Variants in GRAMD2B observed in about 807,000 individuals in gnomAD.
GRAMD2B encodes GRAM domain containing 2B, also known as GRAM domain-containing protein 2B.
In GRAMD2B, 41 loss-of-function variants were observed where a neutral mutation model predicts 59.2. The observed-to-expected ratio is 0.69, with a 90% CI of 0.54 to 0.90. The LOEUF (loss-of-function observed/expected upper bound fraction) is 0.90, where lower values mean the gene tolerates loss of function less well. Ranked by LOEUF, GRAMD2B falls within the 40% of genes least tolerant of loss-of-function variation. GRAMD2B has a pLI of 0.00. For missense variants in GRAMD2B, 424 were observed against 500.5 expected, an observed-to-expected ratio of 0.85 and a Z score of 1.46; for synonymous variants, 161 against 182.7, an observed-to-expected ratio of 0.88 and a Z score of 0.96.
chr5:126,439,528 G>A (rs1187880090), intron 1 of GRAMD2B, among the ~76,000 whole-genome samples: 9 of 151,886 alleles, frequency 5.9e-5, no homozygotes. Context: ...GTTTCACCAT[G>A]TTCACCAGGC....
chr5:126,434,902 T>C (rs960668886), intron 1 of GRAMD2B, among the ~76,000 whole-genome samples: 1 of 152,204 alleles, frequency 6.6e-6, no homozygotes, highest in African/African-American at 2.4e-5. Context: ...GTTTACTCCC[T>C]GAGAAGTTCC....
In GRAMD2B at chr5:126,390,592, T is replaced by C. The variant is rs73783654; in HGVS notation, c.125+19025T>C. On this transcript the variant is annotated intron_variant, in intron 1 of 8. Coordinates refer to the GRAMD2B transcript ENST00000506445. ...TCATTCTGCAGTATATCTGTCAGGA[T>C]TTTTTATGCTGCCAGAAAGTTATAT... Among the ~76,000 whole-genome samples the C allele has an allele frequency of 1.5e-3, 235 of 152,330 alleles. 2 individuals carry two copies. Among genetic ancestry groups the C allele is most frequent in the African/African-American group, 5.5e-3 (229 of 41,574 alleles).
intron 1 of GRAMD2B, among the ~76,000 whole-genome samples, chr5:126,377,446 G>A (rs1755292571): frequency 6.6e-6 from 1 of 152,084 alleles, no homozygotes; most frequent in Non-Finnish European, 1.5e-5. Flanking sequence ...TGCGCAGATA[G>A]TCCTACATTC....
intron 1 of GRAMD2B, among the ~76,000 whole-genome samples, chr5:126,410,816 T>C (rs1561489037): frequency 6.6e-6 from 1 of 152,138 alleles, no homozygotes; most frequent in East Asian, 1.9e-4. Context: ...CCAACTGGTA[T>C]GATACGGTAT....
At chr5:126,384,949 T>G (rs1227325046) in intron 1 of GRAMD2B, among the ~76,000 whole-genome samples, 1 of 152,376 alleles carries the variant, frequency 6.6e-6, no homozygotes, top group East Asian at 1.9e-4. Flanking sequence ...TCTTTCTCAC[T>G]GTGCTGCCTT....
In GRAMD2B at chr5:126,387,077, C is replaced by T. The variant is rs569938168; in HGVS notation, c.125+15510C>T. On this transcript the variant is annotated intron_variant, in intron 1 of 8. Transcript: ENST00000506445. ...TATGTATTTGGATACATGTAAAAAC[C>T]ATAAGAATTTTAAGGGCCAAACTTG... Among the ~76,000 whole-genome samples, 8 of 151,908 alleles carry T rather than the reference C, an allele frequency of 5.3e-5. No individual in the cohort carries two copies. In the East Asian group the frequency reaches 1.5e-3, roughly 29 times the overall value.
At chr5:126,419,915 C>T (rs1484640769), upstream of GRAMD2B, among the ~76,000 whole-genome samples, 2 of 151,746 alleles carry the variant, frequency 1.3e-5, no homozygotes, top group South Asian at 2.1e-4. Context: ...ATTAGCTGGG[C>T]GTGGTGGTGT....
upstream of GRAMD2B, among the ~76,000 whole-genome samples, chr5:126,421,404 T>C (rs572281334): frequency 1.3e-5 from 2 of 152,218 alleles, no homozygotes; most frequent in African/African-American, 4.8e-5. Context: ...CCTATCCCTA[T>C]TCTGAGGAGG....
At chr5:126,370,389 G>A (rs959728173), upstream of GRAMD2B, among the ~76,000 whole-genome samples, 3 of 152,134 alleles carry the variant, frequency 2.0e-5, no homozygotes, top group African/African-American at 7.2e-5. Context: ...CAGAAACTGT[G>A]TACTTCTCTT....
intron 1 of GRAMD2B, among the ~76,000 whole-genome samples, chr5:126,391,612 A>G (rs1756792733): frequency 6.6e-6 from 1 of 152,238 alleles, no homozygotes; most frequent in African/African-American, 2.4e-5. Context: ...TTTGGCAATA[A>G]AAAGGAATGA....
chr5:126,443,569 A>G (rs940904827), intron 1 of GRAMD2B, among the ~76,000 whole-genome samples: 2 of 152,174 alleles, frequency 1.3e-5, no homozygotes, highest in Non-Finnish European at 2.9e-5. Flanking sequence ...TGTCTCTTCA[A>G]AGACATCTTT....
intron 1 of GRAMD2B, among the ~76,000 whole-genome samples, chr5:126,380,535 T>C (rs1029325583): frequency 4.6e-5 from 7 of 152,360 alleles, no homozygotes; most frequent in African/African-American, 1.7e-4. Flanking sequence ...TCCATGAGCA[T>C]GGGATGTATT....
chr5:126,393,076 G>T (rs918583285), intron 1 of GRAMD2B, among the ~76,000 whole-genome samples: 1 of 152,102 alleles, frequency 6.6e-6, no homozygotes, highest in African/African-American at 2.4e-5. Context: ...GGACTGAGTG[G>T]GTACTTGGAA....
At chr5:126,444,103 C>T (rs988306964) in intron 1 of GRAMD2B, among the ~76,000 whole-genome samples, 22 of 151,698 alleles carry the variant, frequency 1.5e-4, no homozygotes, top group African/African-American at 5.3e-4. Flanking sequence ...ACTAATACCA[C>T]CACCACCACC....
exon 1 of GRAMD2B, chr5:126,371,380 T>C (rs574881698): frequency 8.1e-7 from 1 of 1,232,196 alleles, no homozygotes; most frequent in African/African-American, 1.6e-5. Flanking sequence ...TTTCATATTA[T>C]TTGGGAGACT....
In GRAMD2B at chr5:126,470,062, C is replaced by A. The variant is rs567250666; in HGVS notation, c.315+274C>A. ...GATACCCAGAGATCAGGGACCAACA[C>A]AAAGTCATGTGCTTATCCAATAATT... On this transcript the variant is annotated intron_variant, in intron 3 of 13. Coordinates refer to ENST00000285689, the MANE Select transcript of GRAMD2B (RefSeq NM_023927.4). Among the ~76,000 whole-genome samples, 3 of 152,270 alleles carry A rather than the reference C, an allele frequency of 2.0e-5. No homozygotes were observed. In the East Asian group the frequency reaches 5.8e-4, roughly 29 times the overall value.
intron 1 of GRAMD2B, among the ~76,000 whole-genome samples, chr5:126,415,411 A>C (rs573952470): frequency 6.6e-6 from 1 of 152,254 alleles, no homozygotes; most frequent in African/African-American, 2.4e-5. Flanking sequence ...CACTTATAGC[A>C]ATCATGGTGC....
rs535038038 is a variant in GRAMD2B, at chr5:126,410,405, G to T, written c.125+38838G>T. Among the ~76,000 whole-genome samples, 42 of 151,234 alleles carry T rather than the reference G, an allele frequency of 2.8e-4. No homozygotes were observed. In the East Asian group the frequency reaches 7.0e-3, roughly 25 times the overall value. On this transcript the variant is annotated intron_variant, in intron 1 of 8. Transcript: ENST00000506445. The stretch of plus-strand genomic sequence containing the variant: ...AGTTCTCCTTGAAGAGGTCCTTCAC[G>T]TCCCTTGTAAGTTGGATTCCTAGGT...
intron 1 of GRAMD2B, among the ~76,000 whole-genome samples, chr5:126,386,020 C>T (rs1256093397): frequency 1.3e-5 from 2 of 152,186 alleles, no homozygotes; most frequent in African/African-American, 2.4e-5. Flanking sequence ...AAAGCCCAGA[C>T]ACACTTTCCT....
Sources: gnomAD v4.1 joint callset for allele counts (sites outside exome capture counted in the v4.1 genomes callset) on GRCh38, gnomAD v4.1.1 for gene constraint, MANE v1.5 for transcripts, NCBI Gene and HGNC (gene_info 2026-07-23, HGNC 2026-07-21) for gene names.